LOXHD1: variants seen among roughly 807,000 people sequenced by gnomAD.
LOXHD1 encodes the protein lipoxygenase homology PLAT domains 1, also known as lipoxygenase homology domain-containing protein 1.
A neutral mutation model predicts 248.2 loss-of-function variants in LOXHD1; 205 were observed. The observed-to-expected ratio is 0.83, with a 90% CI of 0.74 to 0.93. LOXHD1 has a LOEUF of 0.93. LOXHD1 is among the 40% of genes least tolerant of loss of function. The pLI is 0.00. For missense variants in LOXHD1, 2,930 were observed against 2,971.6 expected, an observed-to-expected ratio of 0.99 and a Z score of 0.33; for synonymous variants, 1,113 against 1,162.8, an observed-to-expected ratio of 0.96 and a Z score of 0.87.
chr18:46,512,233 G>A (rs2035006466), intron 34 of LOXHD1, among the ~76,000 whole-genome samples: 1 of 152,148 alleles, frequency 6.6e-6, no homozygotes, highest in Non-Finnish European at 1.5e-5. Context: ...CTGAAGACTG[G>A]CCTTTAGAGA....
At position 46,592,058 on chromosome 18, in the gene LOXHD1, A is replaced by T. The variant is rs375509759; in HGVS notation, c.1529T>A (p.Met510Lys). ...SGWHLERMTL[M>K]NTLNKDKYNF... Reference sequence around the variant, plus strand: ...GTACTTGTCTTTGTTCAGAGTGTTCATCAGGGTCATCTGGAATGAAGTTCT... The same window carrying T: ...GTACTTGTCTTTGTTCAGAGTGTTCTTCAGGGTCATCTGGAATGAAGTTCT... Residue 510 changes from methionine (M) to lysine (K), a missense_variant, in exon 12 of 41, where the codon ATG (methionine) becomes AAG (lysine). By Grantham distance (95) the Met-to-Lys change is moderately conservative. Coordinates refer to ENST00000642948, the MANE Select transcript of LOXHD1 (RefSeq NM_001384474.1). The T allele has an allele frequency of 1.0e-5, 16 of 1,552,158 alleles. No homozygotes were observed. Among genetic ancestry groups the T allele is most frequent in the Admixed American group, 3.9e-5 (2 of 50,996 alleles).
At chr18:46,588,680 A>T (rs955536716) in intron 12 of LOXHD1, among the ~76,000 whole-genome samples, 1 of 152,190 alleles carries the variant, frequency 6.6e-6, no homozygotes, top group African/African-American at 2.4e-5. Context: ...TTCACACTTC[A>T]AGACCTGCCA....
intron 40 of LOXHD1, among the ~76,000 whole-genome samples, chr18:46,480,394 G>A (rs527606436): frequency 2.0e-5 from 3 of 152,166 alleles, no homozygotes; most frequent in East Asian, 1.9e-4. Flanking sequence ...TTTACAAAAC[G>A]GCATCACATA....
chr18:46,572,060 A>G (rs376260921), intron 15 of LOXHD1, 26 bp downstream of exon 15: 411 of 1,548,108 alleles, frequency 2.7e-4, no homozygotes, highest in Admixed American at 4.3e-4. Context: ...GGGCACACCC[A>G]GCACCTGGTC....
chr18:46,525,952 C>T (rs78382744), intron 29 of LOXHD1, among the ~76,000 whole-genome samples: 8,734 of 152,244 alleles, frequency 0.057, 332 homozygotes, highest in South Asian at 0.16. Context: ...GGAAGACAGA[C>T]GTCTCCAGGT....
chr18:46,529,696 T>C (rs1449330308), intron 28 of LOXHD1, among the ~76,000 whole-genome samples: 4 of 152,184 alleles, frequency 2.6e-5, no homozygotes, highest in Non-Finnish European at 5.9e-5. Flanking sequence ...CTACCTGCCA[T>C]GATACATGGC....
Position 46,633,100 on chromosome 18 carries a change from T to C in LOXHD1, c.511+6516A>G, listed in dbSNP as rs144416652. ...CTGAAATATGGCCTATGGTCACTGT[T>C]AAAATCACTTAATGAACATTTGGAA... On this transcript the variant is annotated intron_variant, in intron 4 of 40. Transcript: ENST00000642948. 3.9e-4 allele frequency among the ~76,000 whole-genome samples: 59 copies of C among 152,356 alleles called. 3 individuals are homozygous for C. In the East Asian group the frequency reaches 0.01, roughly 26 times the overall value.
chr18:46,624,360 C>T (rs1317800642), intron 4 of LOXHD1, among the ~76,000 whole-genome samples: 1 of 152,206 alleles, frequency 6.6e-6, no homozygotes, highest in Admixed American at 6.5e-5. Flanking sequence ...GGAATGTTCT[C>T]TCCCAGCCAG....
chr18:46,576,334 G>A (rs921210979), intron 14 of LOXHD1, among the ~76,000 whole-genome samples: 2 of 151,636 alleles, frequency 1.3e-5, no homozygotes, highest in African/African-American at 2.4e-5. Context: ...CCCACACCCC[G>A]CTTCCCCCGT....
chr18:46,597,936 T>C (rs985465341), intron 8 of LOXHD1, among the ~76,000 whole-genome samples: 2 of 151,134 alleles, frequency 1.3e-5, no homozygotes, highest in African/African-American at 4.9e-5. Context: ...TGCATTTTTT[T>C]TTTTTTTTTT....
At chr18:46,594,730 AC>A (rs1459241791) in intron 8 of LOXHD1, among the ~76,000 whole-genome samples, 2 of 152,222 alleles carry the variant, frequency 1.3e-5, no homozygotes, top group African/African-American at 4.8e-5. Context: ...CTCTTTGAAT[AC>A]CGTATTTCTT....
chr18:46,525,878 G>T (rs1002864869), intron 29 of LOXHD1, among the ~76,000 whole-genome samples: 1 of 152,198 alleles, frequency 6.6e-6, no homozygotes, highest in African/African-American at 2.4e-5. Flanking sequence ...CAAGAGGAGG[G>T]GATGGGTAAT....
intron 23 of LOXHD1, 61 bp from the exon 24 acceptor site, chr18:46,542,916 A>T (rs2036625657): frequency 6.5e-7 from 1 of 1,547,998 alleles, no homozygotes. Context: ...GCCTAGTCAG[A>T]CCCAAACCTT....
chr18:46,592,473 C>G, intron 11 of LOXHD1, 25 bp downstream of exon 11: 1 of 1,537,976 alleles, frequency 6.5e-7, no homozygotes, highest in Non-Finnish European at 8.8e-7. Context: ...AACAACCTCC[C>G]AAACCCCAAG....
At chr18:46,631,427 T>C (rs2038820695) in intron 4 of LOXHD1, among the ~76,000 whole-genome samples, 1 of 152,148 alleles carries the variant, frequency 6.6e-6, no homozygotes, top group Admixed American at 6.5e-5. Context: ...ATTCCTTACA[T>C]ATCCCTGATT....
intron 7 of LOXHD1, 35 bp from the exon 8 acceptor site, chr18:46,601,502 T>C (rs1362919905): frequency 6.4e-7 from 1 of 1,551,642 alleles, no homozygotes; most frequent in Admixed American, 2.0e-5. Flanking sequence ...GAGTGTTCAA[T>C]GTGAGCTGCA....
At chr18:46,501,937 C>T (rs2034257456) in intron 37 of LOXHD1, among the ~76,000 whole-genome samples, 1 of 152,164 alleles carries the variant, frequency 6.6e-6, no homozygotes, top group Non-Finnish European at 1.5e-5. Flanking sequence ...AATCATTATT[C>T]CTGACTCCTG....
chr18:46,499,955 G>A (rs944824711), intron 37 of LOXHD1, among the ~76,000 whole-genome samples: 1 of 152,130 alleles, frequency 6.6e-6, no homozygotes, highest in Non-Finnish European at 1.5e-5. Context: ...GTAGGGAATT[G>A]ACACACCACA....
chr18:46,503,128 C>T (rs1274710310), intron 37 of LOXHD1, among the ~76,000 whole-genome samples: 1 of 152,168 alleles, frequency 6.6e-6, no homozygotes, highest in African/African-American at 2.4e-5. Context: ...TTCCTATCCT[C>T]AAAGGCAGTG....
Sources: allele counts gnomAD v4.1 joint callset (sites outside exome capture counted in the v4.1 genomes callset), GRCh38; gene constraint gnomAD v4.1.1; transcripts MANE v1.5; gene names NCBI Gene and HGNC (gene_info 2026-07-23, HGNC 2026-07-21).